NDUFAF2: variants seen among roughly 807,000 people sequenced by gnomAD.
NDUFAF2 encodes NADH:ubiquinone oxidoreductase complex assembly factor 2, also known as NADH dehydrogenase [ubiquinone] 1 alpha subcomplex assembly factor 2.
In NDUFAF2, 13 loss-of-function variants were observed where a neutral mutation model predicts 22.8. The ratio of observed to expected loss-of-function variants is 0.57; its 90% CI spans 0.37 to 0.91. The LOEUF (loss-of-function observed/expected upper bound fraction) is 0.91. Among genes scored for constraint, NDUFAF2 ranks in the 40% least tolerant of loss-of-function variants. NDUFAF2 has a pLI of 0.01. For missense variants in NDUFAF2, 162 were observed against 195.2 expected (o/e 0.83, Z 1.01); for synonymous variants, 53 against 64.2 (o/e 0.83, Z 0.84).
At chr5:61,101,050 T>C (rs1325805840) in intron 3 of NDUFAF2, among the ~76,000 whole-genome samples, 1 of 152,158 alleles carries the variant, frequency 6.6e-6, no homozygotes, top group Non-Finnish European at 1.5e-5. Flanking sequence ...ACTTTAGTTT[T>C]TATCAAACAC....
chr5:61,051,419 A>C (rs1752022407), intron 1 of NDUFAF2, among the ~76,000 whole-genome samples: 1 of 152,150 alleles, frequency 6.6e-6, no homozygotes, highest in African/African-American at 2.4e-5. Context: ...AAAGAGACAA[A>C]GTTGTTATCA....
chr5:60,968,813 A>AT lies in NDUFAF2; in HGVS notation c.127+23439dup, dbSNP rs756461693. ...ATACCAAGTCTTATTCATTCTTTCT[A>AT]TTTTTTTTGTACCACTTAACCATCT... On this transcript the variant is annotated intron_variant, in intron 1 of 3. Coordinates refer to ENST00000296597, the MANE Select transcript of NDUFAF2 (RefSeq NM_174889.5). 1.2e-4 allele frequency among the ~76,000 whole-genome samples: 18 copies of AT among 151,446 alleles called. 1 individual carries two copies. In the East Asian group the frequency reaches 2.1e-3, roughly 18 times the overall value.
At chr5:60,966,982 GTA>G in intron 1 of NDUFAF2, among the ~76,000 whole-genome samples, 1 of 152,178 alleles carries the variant, frequency 6.6e-6, no homozygotes, top group South Asian at 2.1e-4. Context: ...ATGAAACAGA[GTA>G]TGTTTCCATT....
chr5:61,045,077 A>T (rs12520088), intron 1 of NDUFAF2, among the ~76,000 whole-genome samples: 6,724 of 39,868 alleles, frequency 0.17, 718 homozygotes, highest in East Asian at 0.52. Context: ...TTTTATTAAA[A>T]TTTAATAAAA....
intron 2 of NDUFAF2, among the ~76,000 whole-genome samples, chr5:61,073,795 G>A (rs1264214600): frequency 1.3e-5 from 2 of 152,144 alleles, no homozygotes; most frequent in Non-Finnish European, 2.9e-5. Flanking sequence ...CTCTCAGTGT[G>A]GCTCTAACAG....
chr5:61,140,104 G>A (rs1741028115), intron 3 of NDUFAF2, among the ~76,000 whole-genome samples: 1 of 152,270 alleles, frequency 6.6e-6, no homozygotes, highest in Non-Finnish European at 1.5e-5. Context: ...GGGCCGAGTA[G>A]GTGGGCTGTC....
At chr5:60,985,241 TC>T (rs1358138500) in intron 1 of NDUFAF2, among the ~76,000 whole-genome samples, 1 of 152,200 alleles carries the variant, frequency 6.6e-6, no homozygotes, top group East Asian at 1.9e-4. Context: ...GGTGGTGATA[TC>T]CCCTTTATCA....
At chr5:61,098,932 G>A (rs1752674796) in intron 2 of NDUFAF2, 60 bp from the exon 3 acceptor site, 1 of 1,446,738 alleles carries the variant, frequency 6.9e-7, no homozygotes, top group Non-Finnish European at 9.6e-7. Flanking sequence ...TTGTTTTATG[G>A]ATAAAAATGT....
intron 1 of NDUFAF2, among the ~76,000 whole-genome samples, chr5:61,034,151 G>A (rs760062307): frequency 6.6e-6 from 1 of 152,104 alleles, no homozygotes; most frequent in East Asian, 1.9e-4. Context: ...AGTAGGTGTT[G>A]TATTTCAAGA....
intron 3 of NDUFAF2, chr5:61,116,859 A>G (rs779085324): frequency 6.6e-6 from 1 of 152,170 alleles, no homozygotes; most frequent in Admixed American, 6.5e-5. Flanking sequence ...TTTTTCCCCA[A>G]AAACATGAAA....
intron 1 of NDUFAF2, among the ~76,000 whole-genome samples, chr5:60,991,570 G>A (rs148915799): frequency 1.8e-4 from 27 of 152,200 alleles, no homozygotes; most frequent in African/African-American, 6.0e-4. Context: ...GTTTTTCTGT[G>A]TCTGGCTTAT....
intron 1 of NDUFAF2, among the ~76,000 whole-genome samples, chr5:60,990,988 T>C (rs1334807368): frequency 6.6e-6 from 1 of 152,128 alleles, no homozygotes; most frequent in Non-Finnish European, 1.5e-5. Context: ...CTGGTATAGT[T>C]GAACAAAAAA....
intron 1 of NDUFAF2, among the ~76,000 whole-genome samples, chr5:61,051,046 T>C (rs1318939727): frequency 6.6e-6 from 1 of 152,226 alleles, no homozygotes; most frequent in Admixed American, 6.5e-5. Context: ...TAGCTGATTT[T>C]CCAGTGACGC....
chr5:61,146,167 C>G (rs1741135190), intron 3 of NDUFAF2: 1 of 152,200 alleles, frequency 6.6e-6, no homozygotes, highest in Admixed American at 6.5e-5. Flanking sequence ...GAACCAGGTT[C>G]ACAAAGCTTG....
At chr5:61,122,367 G>C (rs865935470) in intron 3 of NDUFAF2, among the ~76,000 whole-genome samples, 9 of 152,112 alleles carry the variant, frequency 5.9e-5, no homozygotes, top group African/African-American at 2.2e-4. Flanking sequence ...GGTATATAAA[G>C]TGTTTAGCCA....
At chr5:60,993,058 G>A (rs1216196105) in intron 1 of NDUFAF2, among the ~76,000 whole-genome samples, 1 of 152,232 alleles carries the variant, frequency 6.6e-6, no homozygotes, top group Non-Finnish European at 1.5e-5. Flanking sequence ...GCCTGCCAAG[G>A]GTGAACCAGA....
At chr5:61,111,327 C>G (rs1752837913) in intron 3 of NDUFAF2, among the ~76,000 whole-genome samples, 1 of 152,044 alleles carries the variant, frequency 6.6e-6, no homozygotes, top group Non-Finnish European at 1.5e-5. Context: ...TCTATTAGGC[C>G]CATTTGGTCT....
chr5:60,948,506 C>T (rs1401003468), intron 1 of NDUFAF2, among the ~76,000 whole-genome samples: 3 of 151,786 alleles, frequency 2.0e-5, no homozygotes, highest in Non-Finnish European at 2.9e-5. Context: ...GACAGTGCGC[C>T]TGGCTAGAAT....
intron 2 of NDUFAF2, among the ~76,000 whole-genome samples, chr5:61,083,947 G>T (rs564599293): frequency 2.6e-5 from 4 of 151,516 alleles, no homozygotes; most frequent in Non-Finnish European, 4.4e-5. Context: ...ATTCTCATGC[G>T]TAAGCCTTTG....
Sources: allele counts gnomAD v4.1 joint callset (sites outside exome capture counted in the v4.1 genomes callset), GRCh38; gene constraint gnomAD v4.1.1; transcripts MANE v1.5; gene names NCBI Gene and HGNC (gene_info 2026-07-23, HGNC 2026-07-21).